TRPM3: variants seen among roughly 807,000 people sequenced by gnomAD.
The protein encoded by TRPM3 is transient receptor potential cation channel subfamily M member 3, also known as long transient receptor potential channel 3.
In TRPM3, 77 loss-of-function variants were observed where a neutral mutation model predicts 181.2. The observed-to-expected ratio is 0.42, with a 90% CI of 0.35 to 0.51. The LOEUF is 0.51. Ranked by LOEUF, TRPM3 falls within the 20% of genes least tolerant of loss-of-function variation. The probability of loss-of-function intolerance (pLI) is 0.01; values close to 1 mark genes in which losing one functional copy is unlikely to be tolerated. For synonymous variants in TRPM3, 745 were observed against 796.4 expected (o/e 0.94, Z 1.09); for missense variants, 1,759 against 2,196.7 (o/e 0.80, Z 3.98).
At position 71,191,677 on chromosome 9, in the gene TRPM3, C is replaced by T. The variant is rs2135004467; in HGVS notation, c.183+254976G>A. Among the ~76,000 whole-genome samples, 2 of 151,576 alleles carry T rather than the reference C, an allele frequency of 1.3e-5. 1 individual carries two copies. Among genetic ancestry groups the T allele is most frequent in the East Asian group, 3.9e-4 (2 of 5,162 alleles). On this transcript the variant is annotated intron_variant, in intron 1 of 24. Transcript: ENST00000357533. The stretch of plus-strand genomic sequence containing the variant: ...AGATAAAAACCATTTTTAAGCATTG[C>T]TGTTTTGCCAATTTGGAGTAGTTCT...
chr9:70,612,965 A>G (rs1437383431), intron 18 of TRPM3, among the ~76,000 whole-genome samples: 1 of 152,232 alleles, frequency 6.6e-6, no homozygotes, highest in African/African-American at 2.4e-5. Flanking sequence ...GACTTTCCCA[A>G]CAGAGCTATA....
At chr9:71,331,988 T>G (rs960829803) in intron 1 of TRPM3, among the ~76,000 whole-genome samples, 3 of 146,982 alleles carry the variant, frequency 2.0e-5, no homozygotes, top group Admixed American at 2.0e-4. Flanking sequence ...GGAGGAGGGT[T>G]AAACTATTTA....
rs1178393728 is a variant in TRPM3, at chr9:70,549,806, A to G, written c.3575-132T>C. On this transcript the variant is annotated intron_variant, in intron 24 of 25. Coordinates refer to ENST00000677713, the MANE Select transcript of TRPM3 (RefSeq NM_001366145.2). ...GGCCTAGATTCCTTGTTAAGTCTCA[A>G]ATGAAATCCAAATCCAATTAGGCAA... 4.5e-6 allele frequency: 4 copies of G among 891,398 alleles called. No individual in the cohort carries two copies. The South Asian group carries it at 6.5e-5, about 14-fold the overall frequency. 55.2% of individuals were successfully genotyped at this position (891,398 alleles called of 1,614,324 possible).
At chr9:70,903,770 T>C (rs894552069) in intron 1 of TRPM3, among the ~76,000 whole-genome samples, 2 of 152,166 alleles carry the variant, frequency 1.3e-5, no homozygotes, top group South Asian at 2.1e-4. Flanking sequence ...TTAAAATGCC[T>C]ACATATAGCA....
At chr9:70,824,438 T>A (rs1291883606) in intron 6 of TRPM3, 1 of 152,100 alleles carries the variant, frequency 6.6e-6, no homozygotes, top group Admixed American at 6.5e-5. Flanking sequence ...TTATTTTATT[T>A]TTTTTTTGAG....
intron 3 of TRPM3, among the ~76,000 whole-genome samples, chr9:70,848,698 C>CAAAACTAT (rs1589201966): frequency 2.9e-5 from 3 of 103,676 alleles, no homozygotes; most frequent in Non-Finnish European, 4.3e-5. Context: ...AATTACCTGG[C>CAAAACTAT]CGGGCGCGGT....
At chr9:71,223,230 G>A (rs1418139980) in intron 1 of TRPM3, among the ~76,000 whole-genome samples, 1 of 152,158 alleles carries the variant, frequency 6.6e-6, no homozygotes, top group African/African-American at 2.4e-5. Context: ...AGCTACAGAA[G>A]GACAGGGCAC....
intron 1 of TRPM3, among the ~76,000 whole-genome samples, chr9:71,315,661 T>TTTTA (rs1162549729): frequency 6.6e-6 from 1 of 152,150 alleles, no homozygotes; most frequent in Non-Finnish European, 1.5e-5. Flanking sequence ...AAAAATACAG[T>TTTTA]TTAAAAGGAT....
chr9:70,934,481 A>G (rs1032265173), intron 1 of TRPM3, among the ~76,000 whole-genome samples: 9 of 152,348 alleles, frequency 5.9e-5, no homozygotes, highest in African/African-American at 2.2e-4. Flanking sequence ...AGCATATGTA[A>G]GAGTTATAGG....
In TRPM3 at chr9:71,082,890, A is replaced by G. The variant is rs537116115; in HGVS notation, c.177+38288T>C. 4.6e-5 allele frequency among the ~76,000 whole-genome samples: 7 copies of G among 152,320 alleles called. No homozygotes were observed. The South Asian group carries it at 8.3e-4, about 18-fold the overall frequency. On this transcript the variant is annotated intron_variant, in intron 1 of 25. Coordinates refer to ENST00000677713, the MANE Select transcript of TRPM3 (RefSeq NM_001366145.2). Reference sequence around the variant, plus strand: ...CTTAAACTGTAAGAGACTTTAGAATAGCAAAAAGGAATTGTACAGGCAGGA... The same window carrying G: ...CTTAAACTGTAAGAGACTTTAGAATGGCAAAAAGGAATTGTACAGGCAGGA...
intron 25 of TRPM3, 125 bp downstream of exon 25, chr9:70,549,417 T>C (rs1452408691): frequency 1.2e-5 from 16 of 1,280,896 alleles, no homozygotes; most frequent in African/African-American, 1.1e-4. Flanking sequence ...ATAAGCTCCA[T>C]GATTTCTCAG....
intron 1 of TRPM3, among the ~76,000 whole-genome samples, chr9:71,294,096 GAAT>G (rs2086053281): frequency 6.6e-6 from 1 of 151,822 alleles, no homozygotes. Context: ...TCATAATAAA[GAAT>G]ATTTTATGTA....
rs146811053 is a variant in TRPM3 at position 71,329,290 on chromosome 9, G to A, written c.183+117363C>T. ...CTCAAATTAGCACCTGCAAAGAAAT[G>A]AGTAGGTTTTATAATTTTCTGTTTT... On this transcript the variant is annotated intron_variant, in intron 1 of 24. Transcript: ENST00000357533. Among the ~76,000 whole-genome samples, 928 of 152,292 alleles carry A rather than the reference G, an allele frequency of 6.1e-3. 6 individuals carry two copies. The highest frequency in any genetic ancestry group is 9.1e-3 in the Non-Finnish European group (620 of 68,010).
At position 71,232,478 on chromosome 9, in the gene TRPM3, T is replaced by C. The variant is rs1352478690; in HGVS notation, c.183+214175A>G. Among the ~76,000 whole-genome samples, 6 of 148,454 alleles carry C rather than the reference T, an allele frequency of 4.0e-5. No individual in the cohort carries two copies. The East Asian group carries it at 6.0e-4, about 15-fold the overall frequency. ...ATGCATACTCTAACGCACATGGAAA[T>C]TGAATTCAGTGTCTTTTTTTTTTTT... On this transcript the variant is annotated intron_variant, in intron 1 of 24. Transcript: ENST00000357533.
intron 1 of TRPM3, among the ~76,000 whole-genome samples, chr9:71,276,904 C>T (rs1172137992): frequency 2.6e-5 from 4 of 152,170 alleles, no homozygotes; most frequent in African/African-American, 7.2e-5. Flanking sequence ...ATGTGTGCCT[C>T]ATAAGTAAAA....
intron 1 of TRPM3, among the ~76,000 whole-genome samples, chr9:71,054,929 A>AT (rs776217235): frequency 6.6e-6 from 1 of 152,156 alleles, no homozygotes; most frequent in Non-Finnish European, 1.5e-5. Context: ...TATGGTGATC[A>AT]TTTTTTAAAA....
intron 1 of TRPM3, among the ~76,000 whole-genome samples, chr9:71,260,725 G>A (rs2082989939): frequency 1.3e-5 from 2 of 152,182 alleles, no homozygotes; most frequent in Admixed American, 6.5e-5. Context: ...TTTGCACATT[G>A]ATTTTGTATC....
intron 1 of TRPM3, among the ~76,000 whole-genome samples, chr9:71,329,058 G>T (rs563588496): frequency 6.6e-6 from 1 of 152,266 alleles, no homozygotes; most frequent in Non-Finnish European, 1.5e-5. Context: ...GTAAAAGATA[G>T]GTGACAATAG....
chr9:71,248,312 G>A (rs1224171960), intron 1 of TRPM3, among the ~76,000 whole-genome samples: 3 of 152,180 alleles, frequency 2.0e-5, no homozygotes, highest in Non-Finnish European at 2.9e-5. Context: ...AATGAGACCC[G>A]AGGGAGTTGG....
Sources: gnomAD v4.1 joint callset for allele counts (sites outside exome capture counted in the v4.1 genomes callset) on GRCh38, gnomAD v4.1.1 for gene constraint, MANE v1.5 for transcripts, NCBI Gene and HGNC (gene_info 2026-07-23, HGNC 2026-07-21) for gene names.